DEGS1: variants seen among roughly 807,000 people sequenced by gnomAD.
DEGS1 encodes the protein sphingolipid delta(4)-desaturase DES1.
In DEGS1, 17 loss-of-function variants were observed where a neutral mutation model predicts 24.1. That is an observed-to-expected ratio of 0.70 (90% CI 0.48 to 1.06). The LOEUF (loss-of-function observed/expected upper bound fraction) is 1.06, where lower values mean the gene tolerates loss of function less well. Among genes scored for constraint, DEGS1 ranks in the 50% least tolerant of loss-of-function variants. The probability of loss-of-function intolerance (pLI) is 0.00; values close to 1 mark genes in which losing one functional copy is unlikely to be tolerated. For synonymous variants in DEGS1, 134 were observed against 140.0 expected, an observed-to-expected ratio of 0.96 and a Z score of 0.30; for missense variants, 366 against 408.9, an observed-to-expected ratio of 0.90 and a Z score of 0.91.
intron 1 of DEGS1, among the ~76,000 whole-genome samples, chr1:224,186,785 C>T (rs761266297): frequency 1.3e-5 from 2 of 151,150 alleles, no homozygotes; most frequent in Non-Finnish European, 2.9e-5. Context: ...GTTTTCCATG[C>T]AGGTGTAAAT....
At position 224,190,067 on chromosome 1, in the gene DEGS1, G is replaced by A. The variant is rs765985353; in HGVS notation, c.573G>A (p.Val191=). 22 of 1,614,116 alleles carry A rather than the reference G, an allele frequency of 1.4e-5. No individual in the cohort carries two copies. The highest frequency in any genetic ancestry group is 1.8e-5 in the Non-Finnish European group (21 of 1,180,030). Reference sequence around the variant, plus strand: ...CGTATCTGGAAGTTATCAATACCGTGGCACAGGTCACTTTTGACATTTTAA... The same window carrying A: ...CGTATCTGGAAGTTATCAATACCGTAGCACAGGTCACTTTTGACATTTTAA... ...PITYLEVINT[V]AQVTFDILIY... is the part of the protein sequence containing the mutation. Residue 191 remains valine (V), a synonymous_variant, in exon 2 of 3, where the codon GTG becomes GTA. Coordinates refer to ENST00000323699, the MANE Select transcript of DEGS1 (RefSeq NM_003676.4).
intron 1 of DEGS1, among the ~76,000 whole-genome samples, chr1:224,186,301 G>A (rs1256778622): frequency 1.3e-5 from 2 of 151,478 alleles, no homozygotes; most frequent in Non-Finnish European, 2.9e-5. Context: ...GAGTGAGACT[G>A]TCTCAAGAAA....
At chr1:224,189,126 G>A (rs896811175) in intron 1 of DEGS1, among the ~76,000 whole-genome samples, 1 of 152,108 alleles carries the variant, frequency 6.6e-6, no homozygotes. Flanking sequence ...ACAATTTTGG[G>A]AAAATTCAGT....
intron 1 of DEGS1, among the ~76,000 whole-genome samples, chr1:224,185,191 G>C (rs1221902432): frequency 1.3e-5 from 2 of 152,022 alleles, no homozygotes; most frequent in South Asian, 4.1e-4. Flanking sequence ...GGGTTTCTCC[G>C]TGTTGCCCAG....
chr1:224,192,203 T>C (rs1658555225), intron 2 of DEGS1, 129 bp from the exon 3 acceptor site: 1 of 716,732 alleles, frequency 1.4e-6, no homozygotes. Flanking sequence ...TTTTTTTTTT[T>C]TTAAGAGAGA....
At chr1:224,189,481 A>T (rs1658476837) in intron 1 of DEGS1, 96 bp from the exon 2 acceptor site, 1 of 950,926 alleles carries the variant, frequency 1.1e-6, no homozygotes, top group African/African-American at 1.7e-5. Flanking sequence ...TACAGAACAA[A>T]TTTAATGTGT....
chr1:224,191,032 A>T (rs1332142259), intron 2 of DEGS1: 1 of 152,074 alleles, frequency 6.6e-6, no homozygotes, highest in Non-Finnish European at 1.5e-5. Flanking sequence ...TTTTTAAATA[A>T]TTTCTTTTAA....
rs941447440 is a variant in DEGS1, at chr1:224,186,370, TC to T, written c.82+2958del. On this transcript the variant is annotated intron_variant, in intron 1 of 2. Transcript: ENST00000323699. ...TACTTACCTCACACTGAGCCTTTTT[TC>T]CCCCCACAGACTTATCACTGAACCA... Among the ~76,000 whole-genome samples the T allele has an allele frequency of 3.3e-5, 5 of 151,754 alleles. No homozygotes were observed. In the South Asian group the frequency reaches 8.3e-4, roughly 25 times the overall value.
At chr1:224,186,547 A>G (rs1039849556) in intron 1 of DEGS1, among the ~76,000 whole-genome samples, 1 of 151,992 alleles carries the variant, frequency 6.6e-6, no homozygotes, top group African/African-American at 2.4e-5. Context: ...CCCCATCTCT[A>G]CTAAAAATAC....
At chr1:224,184,970 TACACACACACACACACACACACAC>T (rs58790626) in intron 1 of DEGS1, among the ~76,000 whole-genome samples, 1 of 148,582 alleles carries the variant, frequency 6.7e-6, no homozygotes. Flanking sequence ...GCCCCCCGTT[TACACACACACACACACACACACAC>T]ACACACACAC....
chr1:224,184,058 T>G (rs1658311490), intron 1 of DEGS1, among the ~76,000 whole-genome samples: 1 of 152,204 alleles, frequency 6.6e-6, no homozygotes, highest in African/African-American at 2.4e-5. Flanking sequence ...ACGCCGCTTG[T>G]CCCATTGATC....
chr1:224,187,863 G>A (rs1346463584), intron 1 of DEGS1, among the ~76,000 whole-genome samples: 1 of 151,964 alleles, frequency 6.6e-6, no homozygotes, highest in East Asian at 1.9e-4. Context: ...CTACTTTGTG[G>A]CCTATAGATT....
At chr1:224,190,357 T>C (rs147987579) in intron 2 of DEGS1, 38 bp downstream of exon 2, 1 of 1,441,880 alleles carries the variant, frequency 6.9e-7, no homozygotes, top group African/African-American at 1.4e-5. Flanking sequence ...AATTTTGTTT[T>C]TTCATTTGTT....
At position 224,192,502 on chromosome 1, in the gene DEGS1, C is replaced by A. The variant is rs750173611; in HGVS notation, c.*24C>A. 1 of 1,590,304 alleles carries A rather than the reference C, an allele frequency of 6.3e-7. No individual in the cohort carries two copies. The highest frequency in any genetic ancestry group is 1.2e-5 in the South Asian group (1 of 86,028). On this transcript the variant is annotated 3_prime_UTR_variant, in exon 3 of 3. Transcript: ENST00000323699. Reference sequence around the variant, plus strand: ...AAATATCATTAGTGCCAAAGGGATTCTTCTCCAAAACTTTAGATGATAAAA... The same window carrying A: ...AAATATCATTAGTGCCAAAGGGATTATTCTCCAAAACTTTAGATGATAAAA...
intron 1 of DEGS1, among the ~76,000 whole-genome samples, chr1:224,184,805 C>T (rs1334443585): frequency 6.6e-6 from 1 of 151,964 alleles, no homozygotes; most frequent in African/African-American, 2.4e-5. Context: ...CGTGAACCAC[C>T]GTGCCCGGCC....
Position 224,193,141 on chromosome 1 carries a change from A to C in DEGS1, c.*663A>C, listed in dbSNP as rs1658587041. 6.6e-6 allele frequency: 1 copy of C among 152,210 alleles called. No individual in the cohort carries two copies. The highest frequency in any genetic ancestry group is 1.5e-5 in the Non-Finnish European group (1 of 68,036). The allele number at this position is 152,210 out of a possible 1,614,324, so 9.4% of individuals were successfully genotyped here. A position where few individuals can be genotyped will look rare whatever the true frequency, so the allele number is the denominator to read the frequency against. ...AAAGTTTTGCTTTATTAAAAAGCTAATAAACAGCTATTAATCACAGTGTAT... is the reference window on the plus strand; with the variant it reads ...AAAGTTTTGCTTTATTAAAAAGCTACTAAACAGCTATTAATCACAGTGTAT... On this transcript the variant is annotated 3_prime_UTR_variant, in exon 3 of 3. Transcript: ENST00000323699.
Position 224,183,306 on chromosome 1 carries a change from G to A in DEGS1, c.-31G>A. 2 of 1,474,230 alleles carry A rather than the reference G, an allele frequency of 1.4e-6. No homozygotes were observed. Among genetic ancestry groups the A allele is most frequent in the East Asian group, 3.0e-5 (1 of 32,980 alleles). 91.3% of individuals were successfully genotyped at this position (1,474,230 alleles called of 1,614,324 possible). A position where few individuals can be genotyped will look rare whatever the true frequency, so the allele number is the denominator to read the frequency against. The stretch of plus-strand genomic sequence containing the variant: ...GAGCAGCCGGCTGGGAGCGAGAGCC[G>A]ACAGCTAGTCTGCAAGCCACCGCTG... On this transcript the variant is annotated 5_prime_UTR_variant, in exon 1 of 3. Coordinates refer to ENST00000323699, the MANE Select transcript of DEGS1 (RefSeq NM_003676.4).
In DEGS1 at chr1:224,189,987, C is replaced by A; in HGVS notation, c.493C>A (p.Leu165Ile). Reference sequence around the variant, plus strand: ...TTTCAGAAAGTTTATATGGGTTATTCTTCAGCCTCTCTTTTATGCCTTTCG... The same window carrying A: ...TTTCAGAAAGTTTATATGGGTTATTATTCAGCCTCTCTTTTATGCCTTTCG... ...TAFRKFIWVILQPLFYAFRPL... is the reference protein window; with the variant it reads ...TAFRKFIWVIIQPLFYAFRPL... The change falls in exon 2 of 3, where the codon CTT (leucine) becomes ATT (isoleucine). Residue 165 changes from leucine to isoleucine, a missense_variant. Leu to Ile is a conservative substitution (Grantham distance 5). Coordinates refer to ENST00000323699, the MANE Select transcript of DEGS1 (RefSeq NM_003676.4). 2 of 1,614,080 alleles carry A rather than the reference C, an allele frequency of 1.2e-6. No individual in the cohort carries two copies. The highest frequency in any genetic ancestry group is 1.3e-5 in the African/African-American group (1 of 74,946).
intron 1 of DEGS1, among the ~76,000 whole-genome samples, chr1:224,184,259 T>TAG (rs1658316787): frequency 6.6e-6 from 1 of 152,208 alleles, no homozygotes. Flanking sequence ...CTGTGTTACA[T>TAG]AGAGAATGCT....
Sources: allele counts gnomAD v4.1 joint callset (sites outside exome capture counted in the v4.1 genomes callset), GRCh38; gene constraint gnomAD v4.1.1; transcripts MANE v1.5; gene names NCBI Gene and HGNC (gene_info 2026-07-23, HGNC 2026-07-21).